The following SLC7A11 variants were observed in gnomAD, a reference collection of about 807,000 sequenced individuals.
SLC7A11 encodes cystine/glutamate transporter.
Under a neutral mutation model 54.5 loss-of-function variants are expected in SLC7A11, and 35 were observed. The ratio of observed to expected loss-of-function variants is 0.64; its 90% confidence interval spans 0.49 to 0.85. The LOEUF (loss-of-function observed/expected upper bound fraction) is 0.85. Among genes scored for constraint, SLC7A11 ranks in the 40% least tolerant of loss-of-function variants. The pLI, the probability that SLC7A11 is intolerant of heterozygous loss-of-function variation, is 0.00. For synonymous variants in SLC7A11, 230 were observed against 225.2 expected (o/e 1.02, Z -0.19); for missense variants, 583 against 618.1 (o/e 0.94, Z 0.60).
chr4:138,193,014 A>T (rs1327982829), intron 6 of SLC7A11, among the ~76,000 whole-genome samples: 1 of 152,186 alleles, frequency 6.6e-6, no homozygotes, highest in African/African-American at 2.4e-5. Context: ...GAGGTTCAAA[A>T]TTCCCTTAGA....
intron 6 of SLC7A11, among the ~76,000 whole-genome samples, chr4:138,203,551 G>A (rs960789162): frequency 6.6e-6 from 1 of 152,016 alleles, no homozygotes; most frequent in African/African-American, 2.4e-5. Context: ...GACTTGGACA[G>A]TGTGGAGATT....
chr4:138,201,739 T>G (rs759236544), intron 6 of SLC7A11, among the ~76,000 whole-genome samples: 68 of 152,118 alleles, frequency 4.5e-4, no homozygotes, highest in Non-Finnish European at 1.8e-4. Flanking sequence ...TGACATGATG[T>G]TTAATACCAA....
intron 2 of SLC7A11, among the ~76,000 whole-genome samples, chr4:138,235,238 T>TA (rs1437118622): frequency 3.3e-5 from 5 of 152,062 alleles, no homozygotes; most frequent in African/African-American, 1.2e-4. Context: ...GAAGAGCAGA[T>TA]AAGATTGAGA....
intron 5 of SLC7A11, among the ~76,000 whole-genome samples, chr4:138,216,845 T>C (rs1231333227): frequency 1.3e-5 from 2 of 152,188 alleles, no homozygotes; most frequent in Non-Finnish European, 2.9e-5. Context: ...AGCAGCAGCA[T>C]AGGGAGTGGA....
chr4:138,226,665 C>T (rs1411822562), intron 3 of SLC7A11, among the ~76,000 whole-genome samples: 2 of 152,060 alleles, frequency 1.3e-5, no homozygotes, highest in African/African-American at 4.8e-5. Context: ...GCTTCTCCAA[C>T]AATATTGAAA....
chr4:138,180,818 G>A lies in SLC7A11; in HGVS notation c.1117-28C>T, dbSNP rs778764760. On this transcript the variant is annotated intron_variant, in intron 9 of 11. Transcript: ENST00000280612. ...GAGGGGGGAAAGGGAAGCAAGCTTG[G>A]TGAATTCAGTGAAAACACAGATGAT... The A allele has an allele frequency of 2.2e-5, 35 of 1,595,962 alleles. No individual in the cohort carries two copies. The East Asian group carries it at 7.0e-4, about 32-fold the overall frequency.
At chr4:138,179,187 C>A in intron 11 of SLC7A11, 30 bp downstream of exon 11, 1 of 1,486,514 alleles carries the variant, frequency 6.7e-7, no homozygotes, top group Non-Finnish European at 9.4e-7. Flanking sequence ...TGGTGTTGCA[C>A]AATGTCCTGA....
At chr4:138,219,774 G>C (rs936054170) in intron 4 of SLC7A11, among the ~76,000 whole-genome samples, 1 of 151,972 alleles carries the variant, frequency 6.6e-6, no homozygotes, top group East Asian at 1.9e-4. Context: ...GGTATCCAAG[G>C]TTCTACCCTT....
chr4:138,168,189 G>C lies in SLC7A11; in HGVS notation c.*3767C>G, dbSNP rs1736316152. ...ATTAGTACAGAATTCCTAATACAAA[G>C]TTAGGTTCAGGACCTCGAATGGAAC... On this transcript the variant is annotated 3_prime_UTR_variant, in exon 12 of 12. Coordinates refer to ENST00000280612, the MANE Select transcript of SLC7A11 (RefSeq NM_014331.4). 6.6e-6 allele frequency: 1 copy of C among 152,154 alleles called. No homozygotes were observed. Among genetic ancestry groups the C allele is most frequent in the Non-Finnish European group, 1.5e-5 (1 of 68,024 alleles). The allele number at this position is 152,154 out of a possible 1,614,324, so 9.4% of individuals were successfully genotyped here.
intron 1 of SLC7A11, among the ~76,000 whole-genome samples, chr4:138,237,673 C>A (rs1738244954): frequency 8.4e-6 from 1 of 118,598 alleles, no homozygotes; most frequent in Non-Finnish European, 1.6e-5. Flanking sequence ...GCTGGGATTA[C>A]AAGTGTGAGC....
intron 11 of SLC7A11, among the ~76,000 whole-genome samples, chr4:138,178,505 G>T (rs1396184649): frequency 6.6e-6 from 1 of 151,972 alleles, no homozygotes; most frequent in Non-Finnish European, 1.5e-5. Flanking sequence ...CCCAGTAATG[G>T]GATTACTGGG....
chr4:138,180,135 A>G lies in SLC7A11; in HGVS notation c.1266+506T>C, dbSNP rs549124495. Among the ~76,000 whole-genome samples, 8 of 152,256 alleles carry G rather than the reference A, an allele frequency of 5.3e-5. No individual in the cohort carries two copies. The South Asian group carries it at 1.2e-3, about 24-fold the overall frequency. On this transcript the variant is annotated intron_variant, in intron 10 of 11. Transcript: ENST00000280612. ...ATTTGTAGATCTTCTCTTTCCCTGT[A>G]TATTTTACATTTCTATTCTTTTTGG...
At chr4:138,238,048 C>T (rs889428585) in intron 1 of SLC7A11, among the ~76,000 whole-genome samples, 39 of 151,948 alleles carry the variant, frequency 2.6e-4, no homozygotes, top group African/African-American at 8.9e-4. Context: ...CCACTGCGCC[C>T]GGCCCAGAAT....
chr4:138,228,415 T>C (rs56121519), intron 3 of SLC7A11, among the ~76,000 whole-genome samples: 11,007 of 152,144 alleles, frequency 0.072, 474 homozygotes, highest in Middle Eastern at 0.095. Context: ...TCAATGCTTA[T>C]TGAATCTATA....
intron 2 of SLC7A11, among the ~76,000 whole-genome samples, chr4:138,234,199 A>T (rs1738151078): frequency 6.6e-6 from 1 of 152,212 alleles, no homozygotes; most frequent in East Asian, 1.9e-4. Flanking sequence ...GAAACCCAAT[A>T]TATATTGAAT....
At chr4:138,187,684 T>C (rs1044753909) in intron 6 of SLC7A11, among the ~76,000 whole-genome samples, 1 of 152,194 alleles carries the variant, frequency 6.6e-6, no homozygotes, top group Non-Finnish European at 1.5e-5. Flanking sequence ...ACTACAGTTT[T>C]ATCTATCATA....
At chr4:138,214,392 A>C (rs928562667) in intron 6 of SLC7A11, among the ~76,000 whole-genome samples, 193 bp downstream of exon 6, 8 of 150,980 alleles carry the variant, frequency 5.3e-5, no homozygotes, top group Non-Finnish European at 1.2e-4. Flanking sequence ...TTTGTATATA[A>C]TTATAAATAT....
chr4:138,165,946 T>G lies in SLC7A11; in HGVS notation c.*6010A>C, dbSNP rs1324272309. 2.6e-5 allele frequency: 4 copies of G among 152,210 alleles called. No individual in the cohort carries two copies. The highest frequency in any genetic ancestry group is 5.9e-5 in the Non-Finnish European group (4 of 68,024). 9.4% of individuals were successfully genotyped at this position (152,210 alleles called of 1,614,324 possible). On this transcript the variant is annotated 3_prime_UTR_variant, in exon 12 of 12. Transcript: ENST00000280612. ...ATCATAGTGATTTACATTGCTTTTCTTCTTTCAGAGCAATAAGAAAGTTAT... is the reference window on the plus strand; with the variant it reads ...ATCATAGTGATTTACATTGCTTTTCGTCTTTCAGAGCAATAAGAAAGTTAT...
chr4:138,180,608 T>C, intron 10 of SLC7A11, 33 bp downstream of exon 10: 2 of 1,605,882 alleles, frequency 1.2e-6, no homozygotes, highest in Non-Finnish European at 8.5e-7. Flanking sequence ...AGGAGAGAGA[T>C]TTATGTAAAC....
Sources: allele counts gnomAD v4.1 joint callset (sites outside exome capture counted in the v4.1 genomes callset), GRCh38; gene constraint gnomAD v4.1.1; transcripts MANE v1.5; gene names NCBI Gene and HGNC (gene_info 2026-07-23, HGNC 2026-07-21).